The following SIM1 variants were observed in gnomAD, a reference collection of about 807,000 sequenced individuals.
SIM1 encodes the protein SIM bHLH transcription factor 1.
SIM1 carries 18 observed loss-of-function variants against 78.2 expected under a neutral mutation model. The observed-to-expected ratio is 0.23, with a 90% CI of 0.16 to 0.34. SIM1 has a LOEUF of 0.34. Among genes scored for constraint, SIM1 ranks in the 10% least tolerant of loss-of-function variants. The pLI, the probability that SIM1 is intolerant of heterozygous loss-of-function variation, is 1.00. For synonymous variants in SIM1, 417 were observed against 385.2 expected, an observed-to-expected ratio of 1.08 and a Z score of -0.97; for missense variants, 939 against 975.1, an observed-to-expected ratio of 0.96 and a Z score of 0.49.
chr6:100,435,994 TCACACACACACACACAGA>T (rs1344326390), intron 9 of SIM1, among the ~76,000 whole-genome samples: 1 of 150,470 alleles, frequency 6.6e-6, no homozygotes, highest in Non-Finnish European at 1.5e-5. Context: ...ACCATACACA[TCACACACACACACACAGA>T]CACACACACA....
intron 10 of SIM1, among the ~76,000 whole-genome samples, chr6:100,400,449 A>T (rs903220232): frequency 6.6e-6 from 1 of 152,026 alleles, no homozygotes; most frequent in African/African-American, 2.4e-5. Flanking sequence ...AACACAATTT[A>T]AAAAAATGCT....
At chr6:100,455,533 C>A (rs1772625063) in intron 2 of SIM1, among the ~76,000 whole-genome samples, 1 of 152,228 alleles carries the variant, frequency 6.6e-6, no homozygotes, top group Non-Finnish European at 1.5e-5. Flanking sequence ...CCGGCTCCGA[C>A]ATACCCACTC....
At chr6:100,449,317 C>T in intron 6 of SIM1, 46 bp downstream of exon 6, 1 of 1,531,896 alleles carries the variant, frequency 6.5e-7, no homozygotes. Flanking sequence ...CGCCTTGCTT[C>T]CCGCCTCCTC....
At position 100,433,740 on chromosome 6, in the gene SIM1, C is replaced by CCACACA. The variant is rs528530747; in HGVS notation, c.999-12788_999-12783dup. Reference sequence around the variant, plus strand: ...AACAGATTAAGACCCACCCCCCCACCCACACACACACACACACACACACAC... The same window carrying CCACACA: ...AACAGATTAAGACCCACCCCCCCACCCACACACACACACACACACACACACACACAC... On this transcript the variant is annotated intron_variant, in intron 9 of 11. Transcript: ENST00000369208. 8.9e-3 allele frequency among the ~76,000 whole-genome samples: 1,109 copies of CCACACA among 124,316 alleles called. 11 individuals are homozygous for CCACACA. The highest frequency in any genetic ancestry group is 0.029 in the African/African-American group (952 of 32,818). 81.6% of individuals were successfully genotyped at this position (124,316 alleles called of 152,430 possible).
rs772544393 is a variant in SIM1, at chr6:100,463,473, T to C, written c.-5A>G. 3.1e-6 allele frequency: 5 copies of C among 1,596,864 alleles called. No homozygotes were observed. In the South Asian group the frequency reaches 5.5e-5, roughly 18 times the overall value. The stretch of plus-strand genomic sequence containing the variant: ...ATTTTTGGACTTTTCTTTCATTGTG[T>C]CTTGTTCCCCCTTTCTTCTCACAAC... On this transcript the variant is annotated 5_prime_UTR_variant, in exon 2 of 12. Transcript: ENST00000369208.
intron 7 of SIM1, 21 bp downstream of exon 7, chr6:100,448,458 T>C (rs1190646064): frequency 6.2e-7 from 1 of 1,611,402 alleles, no homozygotes; most frequent in Admixed American, 1.7e-5. Context: ...GGAGAGGCCC[T>C]TTCCGGCCCT....
At position 100,464,820 on chromosome 6, in the gene SIM1, G is replaced by A. The variant is rs1772952664; in HGVS notation, c.-674C>T. The A allele has an allele frequency of 6.6e-6, 1 of 152,282 alleles. No individual in the cohort carries two copies. The highest frequency in any genetic ancestry group is 2.1e-4 in the South Asian group (1 of 4,838). The allele number at this position is 152,282 out of a possible 1,614,324, so 9.4% of individuals were successfully genotyped here. On this transcript the variant is annotated 5_prime_UTR_variant, in exon 1 of 12. Coordinates refer to ENST00000369208, the MANE Select transcript of SIM1 (RefSeq NM_005068.3). ...AGGATGCAAGCTTTGGGACGAGTGA[G>A]GTGATTTTAGAATCCTGGTCCTCCG...
chr6:100,391,408 T>C (rs1770636956), intron 11 of SIM1, among the ~76,000 whole-genome samples: 1 of 152,196 alleles, frequency 6.6e-6, no homozygotes, highest in Non-Finnish European at 1.5e-5. Flanking sequence ...TCTCCATGGA[T>C]ATATGTTATT....
In SIM1 at chr6:100,387,373, A is replaced by G. The variant is rs1285652994; in HGVS notation, c.*2988T>C. 6.6e-6 allele frequency: 1 copy of G among 152,122 alleles called. No individual in the cohort carries two copies. The highest frequency in any genetic ancestry group is 1.9e-4 in the East Asian group (1 of 5,200). 9.4% of individuals were successfully genotyped at this position (152,122 alleles called of 1,614,324 possible). ...TATATACTATTTTTAAAAGACACAG[A>G]TGACATCTTCATTATGAGGAAATAT... On this transcript the variant is annotated 3_prime_UTR_variant, in exon 12 of 12. Transcript: ENST00000369208.
At position 100,386,798 on chromosome 6, in the gene SIM1, C is replaced by G. The variant is rs2295596; in HGVS notation, c.*3563G>C. ...CTGAAGGCAATCATTTATTGCATCC[C>G]GTCTCATTTTGAATGTCACCTCAGC... On this transcript the variant is annotated 3_prime_UTR_variant, in exon 12 of 12. Coordinates refer to ENST00000369208, the MANE Select transcript of SIM1 (RefSeq NM_005068.3). 6.6e-6 allele frequency: 1 copy of G among 151,858 alleles called. No homozygotes were observed. Among genetic ancestry groups the G allele is most frequent in the South Asian group, 2.1e-4 (1 of 4,826 alleles). The allele number at this position is 151,858 out of a possible 1,614,324, so 9.4% of individuals were successfully genotyped here.
At chr6:100,412,071 T>G (rs17060530) in intron 10 of SIM1, among the ~76,000 whole-genome samples, 1 of 151,706 alleles carries the variant, frequency 6.6e-6, no homozygotes, top group Admixed American at 6.6e-5. Flanking sequence ...GGTCTCCAAG[T>G]ACTAACATGA....
At chr6:100,461,840 TC>T (rs1251518213) in intron 2 of SIM1, among the ~76,000 whole-genome samples, 1,496 of 55,996 alleles carry the variant, frequency 0.027, 19 homozygotes, top group African/African-American at 0.082. Context: ...TTTCTTTCTT[TC>T]TTTTTTTTTT....
chr6:100,435,704 T>C (rs761405206), intron 9 of SIM1, among the ~76,000 whole-genome samples: 2 of 152,306 alleles, frequency 1.3e-5, no homozygotes, highest in African/African-American at 2.4e-5. Context: ...TATTTCAAAA[T>C]GTAATACATC....
At chr6:100,447,765 G>C (rs1772397552) in intron 8 of SIM1, among the ~76,000 whole-genome samples, 1 of 152,250 alleles carries the variant, frequency 6.6e-6, no homozygotes. Context: ...CCCTGCCCGG[G>C]AGATTACGCT....
chr6:100,429,026 C>A (rs569008617), intron 9 of SIM1, among the ~76,000 whole-genome samples: 1 of 152,064 alleles, frequency 6.6e-6, no homozygotes. Context: ...ATGGTAATTC[C>A]ACCTCTGGGA....
chr6:100,395,443 T>C (rs984231309), intron 10 of SIM1, among the ~76,000 whole-genome samples: 1 of 152,170 alleles, frequency 6.6e-6, no homozygotes, highest in Non-Finnish European at 1.5e-5. Context: ...CTTGAAACCA[T>C]GATTTTACAT....
chr6:100,404,203 A>G (rs1770998120), intron 10 of SIM1, among the ~76,000 whole-genome samples: 1 of 152,220 alleles, frequency 6.6e-6, no homozygotes, highest in African/African-American at 2.4e-5. Flanking sequence ...GGTCGTTAAG[A>G]TTCATTCCTG....
intron 9 of SIM1, among the ~76,000 whole-genome samples, chr6:100,429,556 A>G (rs576148482): frequency 6.6e-6 from 1 of 152,304 alleles, no homozygotes; most frequent in South Asian, 2.1e-4. Context: ...ATACCACAAT[A>G]AAGTAAAAAA....
Position 100,462,898 on chromosome 6 carries a change from C to CAAAA in SIM1, c.175+392_175+395dup, listed in dbSNP as rs146777329. The stretch of plus-strand genomic sequence containing the variant: ...GGTACATGGGTCTATCCACACCTGG[C>CAAAA]AAAAAAAAAATACAGAATTAGGCGG... On this transcript the variant is annotated intron_variant, in intron 2 of 11. Coordinates refer to ENST00000369208, the MANE Select transcript of SIM1 (RefSeq NM_005068.3). 6.8e-3 allele frequency: 1,099 copies of CAAAA among 161,692 alleles called. 11 individuals carry two copies. The highest frequency in any genetic ancestry group is 0.022 in the East Asian group (126 of 5,782). 10.0% of individuals were successfully genotyped at this position (161,692 alleles called of 1,614,324 possible). A position where few individuals can be genotyped will look rare whatever the true frequency, so the allele number is the denominator to read the frequency against.
Sources: allele counts gnomAD v4.1 joint callset (sites outside exome capture counted in the v4.1 genomes callset), GRCh38; gene constraint gnomAD v4.1.1; transcripts MANE v1.5; gene names NCBI Gene and HGNC (gene_info 2026-07-23, HGNC 2026-07-21).